Variants in BTF3L4 observed in about 807,000 individuals in gnomAD.
BTF3L4 encodes the protein basic transcription factor 3 like 4.
BTF3L4 carries 6 observed loss-of-function variants against 16.8 expected under a neutral mutation model. That is an observed-to-expected ratio of 0.36 (90% CI 0.20 to 0.71). BTF3L4 has a LOEUF of 0.71. Ranked by LOEUF, BTF3L4 falls within the 30% of genes least tolerant of loss-of-function variation. BTF3L4 has a pLI of 0.58. For synonymous variants in BTF3L4, 39 were observed against 59.8 expected (o/e 0.65, Z 1.60); for missense variants, 92 against 186.9 (o/e 0.49, Z 2.96).
intron 3 of BTF3L4, among the ~76,000 whole-genome samples, chr1:52,082,542 C>T (rs1208511481): frequency 6.6e-6 from 1 of 152,110 alleles, no homozygotes; most frequent in African/African-American, 2.4e-5. Context: ...CGAGACCAGC[C>T]TGGCCAACAT....
Position 52,087,734 on chromosome 1 carries a change from A to G in BTF3L4, c.*976A>G, listed in dbSNP as rs575289576. 7 of 152,600 alleles carry G rather than the reference A, an allele frequency of 4.6e-5. No homozygotes were observed. The highest frequency in any genetic ancestry group is 8.8e-5 in the Non-Finnish European group (6 of 67,998). 9.5% of individuals were successfully genotyped at this position (152,600 alleles called of 1,614,324 possible). A position where few individuals can be genotyped will look rare whatever the true frequency, so the allele number is the denominator to read the frequency against. On this transcript the variant is annotated 3_prime_UTR_variant, in exon 6 of 6. Coordinates refer to ENST00000313334, the MANE Select transcript of BTF3L4 (RefSeq NM_152265.5). ...CTAGCTGTTCTTAACAGCAGGTACA[A>G]AAATGCCTGTTTTTCAGCAAGGTTG... is the stretch of plus-strand genomic sequence containing the variant.
chr1:52,073,563 C>A (rs1686853304), intron 3 of BTF3L4, among the ~76,000 whole-genome samples: 1 of 149,358 alleles, frequency 6.7e-6, no homozygotes, highest in African/African-American at 2.5e-5. Flanking sequence ...ATTTAGAATT[C>A]TTTTTTTTGG....
chr1:52,079,292 A>G (rs1286574513), intron 3 of BTF3L4, among the ~76,000 whole-genome samples: 1 of 151,508 alleles, frequency 6.6e-6, no homozygotes, highest in Admixed American at 6.6e-5. Flanking sequence ...CTGAGGCAGG[A>G]GAATCGCTTG....
At chr1:52,067,855 G>C (rs181790746) in intron 3 of BTF3L4, among the ~76,000 whole-genome samples, 203 of 152,286 alleles carry the variant, frequency 1.3e-3, no homozygotes, top group African/African-American at 4.5e-3. Flanking sequence ...ATATTTAGCA[G>C]CATCCCTGGC....
At chr1:52,074,633 A>G (rs1196425645) in intron 3 of BTF3L4, among the ~76,000 whole-genome samples, 3 of 151,958 alleles carry the variant, frequency 2.0e-5, no homozygotes, top group African/African-American at 7.3e-5. Context: ...AAGTGCTAGG[A>G]TTACAGGTGT....
In BTF3L4 at chr1:52,087,400, C is replaced by T. The variant is rs1643982380; in HGVS notation, c.*642C>T. The T allele has an allele frequency of 6.6e-6, 1 of 152,188 alleles. No individual in the cohort carries two copies. The highest frequency in any genetic ancestry group is 6.6e-5 in the Admixed American group (1 of 15,260). 9.4% of individuals were successfully genotyped at this position (152,188 alleles called of 1,614,324 possible). A position where few individuals can be genotyped will look rare whatever the true frequency, so the allele number is the denominator to read the frequency against. ...CCTTAGATTAACTTACCTAGTCAGA[C>T]CCAGAAGAACTTCTTTTACTAGCTT... On this transcript the variant is annotated 3_prime_UTR_variant, in exon 6 of 6. Coordinates refer to ENST00000313334, the MANE Select transcript of BTF3L4 (RefSeq NM_152265.5).
At position 52,083,274 on chromosome 1, in the gene BTF3L4, T is replaced by G. The variant is rs1322431978; in HGVS notation, c.169-66T>G. The G allele has an allele frequency of 2.8e-6, 4 of 1,413,386 alleles. No individual in the cohort carries two copies. The African/African-American group carries it at 5.7e-5, about 20-fold the overall frequency. 87.6% of individuals were successfully genotyped at this position (1,413,386 alleles called of 1,614,324 possible). A position where few individuals can be genotyped will look rare whatever the true frequency, so the allele number is the denominator to read the frequency against. ...AAGAACCATAATTGGCTGAATTGCT[T>G]TTTAAAAATATATTGTTTTAGTGTA... On this transcript the variant is annotated intron_variant, in intron 3 of 5. Transcript: ENST00000313334.
chr1:52,085,277 C>T (rs1269440690), intron 4 of BTF3L4, among the ~76,000 whole-genome samples: 1 of 151,676 alleles, frequency 6.6e-6, no homozygotes, highest in Admixed American at 6.6e-5. Flanking sequence ...CCTCAGCCTC[C>T]CAAAGTGCTG....
rs1325764954 is a variant in BTF3L4, at chr1:52,086,856, T to G, written c.*98T>G. 4 of 630,286 alleles carry G rather than the reference T, an allele frequency of 6.3e-6. No homozygotes were observed. Among genetic ancestry groups the G allele is most frequent in the South Asian group, 5.3e-5 (2 of 37,912 alleles). The allele number at this position is 630,286 out of a possible 1,614,324, so 39.0% of individuals were successfully genotyped here. A position where few individuals can be genotyped will look rare whatever the true frequency, so the allele number is the denominator to read the frequency against. Reference sequence around the variant, plus strand: ...ATGGAGAACATCACCTGTTACTAGTTCAGTAATATAAATATTTTGTATATT... The same window carrying G: ...ATGGAGAACATCACCTGTTACTAGTGCAGTAATATAAATATTTTGTATATT... On this transcript the variant is annotated 3_prime_UTR_variant, in exon 6 of 6. Coordinates refer to ENST00000313334, the MANE Select transcript of BTF3L4 (RefSeq NM_152265.5).
chr1:52,058,194 G>A (rs1686423273), intron 1 of BTF3L4, among the ~76,000 whole-genome samples: 2 of 152,136 alleles, frequency 1.3e-5, no homozygotes, highest in African/African-American at 2.4e-5. Flanking sequence ...GCTAAGATTG[G>A]CACACATTTA....
At position 52,089,457 on chromosome 1, in the gene BTF3L4, T is replaced by A. The variant is rs973079576; in HGVS notation, c.*2699T>A. On this transcript the variant is annotated 3_prime_UTR_variant, in exon 6 of 6. Coordinates refer to ENST00000313334, the MANE Select transcript of BTF3L4 (RefSeq NM_152265.5). ...GGTGTGGGTAGACATAGGGTAAGAG[T>A]TTGGATGAAACTTTTGTAAATTGTA... is the stretch of plus-strand genomic sequence containing the variant. 1.3e-5 allele frequency: 2 copies of A among 152,024 alleles called. No individual in the cohort carries two copies. The highest frequency in any genetic ancestry group is 2.9e-5 in the Non-Finnish European group (2 of 68,014). 9.4% of individuals were successfully genotyped at this position (152,024 alleles called of 1,614,324 possible).
intron 3 of BTF3L4, among the ~76,000 whole-genome samples, chr1:52,073,902 G>T (rs993248114): frequency 6.6e-6 from 1 of 151,974 alleles, no homozygotes; most frequent in Non-Finnish European, 1.5e-5. Flanking sequence ...GGGGGCTGAG[G>T]CAGAGAATTG....
At chr1:52,076,593 C>CAA (rs71579904) in intron 3 of BTF3L4, among the ~76,000 whole-genome samples, 21 of 87,660 alleles carry the variant, frequency 2.4e-4, no homozygotes, top group Admixed American at 3.9e-4. Context: ...GATTCTGTCT[C>CAA]AAAAAAAAAA....
chr1:52,075,315 A>G (rs1420240048), intron 3 of BTF3L4, among the ~76,000 whole-genome samples: 2 of 150,600 alleles, frequency 1.3e-5, no homozygotes, highest in African/African-American at 2.4e-5. Flanking sequence ...GCACTTTGGG[A>G]GGATCACGAG....
intron 3 of BTF3L4, among the ~76,000 whole-genome samples, chr1:52,073,558 G>T (rs146636655): frequency 7.7e-4 from 115 of 148,980 alleles, no homozygotes; most frequent in African/African-American, 2.8e-3. Context: ...GTACAATTTA[G>T]AATTCTTTTT....
chr1:52,069,337 T>A (rs940722848), intron 3 of BTF3L4, among the ~76,000 whole-genome samples: 2 of 152,160 alleles, frequency 1.3e-5, no homozygotes, highest in Non-Finnish European at 2.9e-5. Context: ...ATATTCCTCT[T>A]TGGGAACATC....
intron 3 of BTF3L4, among the ~76,000 whole-genome samples, chr1:52,070,768 G>A (rs1686769134): frequency 6.6e-6 from 1 of 151,228 alleles, no homozygotes; most frequent in Admixed American, 6.6e-5. Flanking sequence ...CTCCTGAGTG[G>A]CTGGGATTAT....
At chr1:52,060,589 C>T in intron 2 of BTF3L4, 1 of 1,164,728 alleles carries the variant, frequency 8.6e-7, no homozygotes, top group Admixed American at 3.0e-5. Context: ...GAATATTCTA[C>T]CCATATCTCT....
At chr1:52,074,648 C>T (rs1336956490) in intron 3 of BTF3L4, among the ~76,000 whole-genome samples, 4 of 151,844 alleles carry the variant, frequency 2.6e-5, no homozygotes, top group Non-Finnish European at 5.9e-5. Flanking sequence ...AGGTGTAAGC[C>T]ACCACACCCA....
Sources: gnomAD v4.1 joint callset for allele counts (sites outside exome capture counted in the v4.1 genomes callset) on GRCh38, gnomAD v4.1.1 for gene constraint, MANE v1.5 for transcripts, NCBI Gene and HGNC (gene_info 2026-07-23, HGNC 2026-07-21) for gene names.